Variants in ARHGEF28 observed in about 807,000 individuals in gnomAD.
The protein encoded by ARHGEF28 is Rho guanine nucleotide exchange factor 28.
In ARHGEF28, 152 loss-of-function variants were observed where a neutral mutation model predicts 206.6. That is an observed-to-expected ratio of 0.74 (90% CI 0.64 to 0.84). ARHGEF28 has a LOEUF of 0.84. ARHGEF28 is among the 40% of genes least tolerant of loss of function. ARHGEF28 has a pLI of 0.00. For missense variants in ARHGEF28, 2,028 were observed against 2,073.2 expected, an observed-to-expected ratio of 0.98 and a Z score of 0.42; for synonymous variants, 763 against 776.4, an observed-to-expected ratio of 0.98 and a Z score of 0.29.
chr5:73,751,589 A>G (rs761557646), intron 3 of ARHGEF28, among the ~76,000 whole-genome samples: 1 of 152,130 alleles, frequency 6.6e-6, no homozygotes, highest in Non-Finnish European at 1.5e-5. Flanking sequence ...AATAATAACT[A>G]AAGTGCCACT....
chr5:73,922,019 T>C (rs1763547442), intron 35 of ARHGEF28, among the ~76,000 whole-genome samples: 1 of 152,182 alleles, frequency 6.6e-6, no homozygotes, highest in Non-Finnish European at 1.5e-5. Context: ...AATTGCATGC[T>C]CAAAGACTTC....
At chr5:73,744,879 T>C (rs1751638428) in intron 2 of ARHGEF28, among the ~76,000 whole-genome samples, 1 of 152,036 alleles carries the variant, frequency 6.6e-6, no homozygotes, top group African/African-American at 2.4e-5. Flanking sequence ...TTTTTTTGAA[T>C]CTTTAGATGC....
At chr5:73,918,255 CT>C (rs554472120) in intron 35 of ARHGEF28, among the ~76,000 whole-genome samples, 138 of 152,316 alleles carry the variant, frequency 9.1e-4, no homozygotes, top group African/African-American at 3.2e-3. Flanking sequence ...CTAGTCAACT[CT>C]GTCATTGTAG....
intron 1 of ARHGEF28, among the ~76,000 whole-genome samples, chr5:73,647,591 C>T (rs1580437049): frequency 6.6e-6 from 1 of 152,310 alleles, no homozygotes; most frequent in East Asian, 1.9e-4. Context: ...TATTTTTAAC[C>T]TACTATATCT....
intron 27 of ARHGEF28, among the ~76,000 whole-genome samples, chr5:73,892,625 G>A (rs375106386): frequency 4.6e-5 from 7 of 152,020 alleles, no homozygotes; most frequent in Admixed American, 1.3e-4. Context: ...TATTTAATTA[G>A]ATTGGAAGCT....
At chr5:73,759,076 C>G (rs2112417646) in intron 4 of ARHGEF28, among the ~76,000 whole-genome samples, 1 of 152,314 alleles carries the variant, frequency 6.6e-6, no homozygotes, top group Admixed American at 6.5e-5. Flanking sequence ...GCTTCTCATT[C>G]TGTGGGTCCA....
At chr5:73,924,486 T>G (rs1369199856) in intron 35 of ARHGEF28, among the ~76,000 whole-genome samples, 2 of 152,204 alleles carry the variant, frequency 1.3e-5, no homozygotes, top group Admixed American at 1.3e-4. Context: ...TTGTGAGCAC[T>G]TAATAAACAC....
chr5:73,846,586 A>T (rs1579980173), intron 12 of ARHGEF28, 111 bp downstream of exon 12: 5 of 938,398 alleles, frequency 5.3e-6, no homozygotes, highest in Non-Finnish European at 7.7e-6. Context: ...CATATGAACT[A>T]TTTTTTTGAG....
chr5:73,873,255 A>T lies in ARHGEF28; in HGVS notation c.2814+9A>T, dbSNP rs1760226302. ...ATATTTTGGTACAACAGGTAAGAAGAGCTTAAAGTCCTTGACCTTTATGAC... is the reference window on the plus strand; with the variant it reads ...ATATTTTGGTACAACAGGTAAGAAGTGCTTAAAGTCCTTGACCTTTATGAC... On this transcript the variant is annotated intron_variant, in intron 22 of 35. Transcript: ENST00000513042. The T allele has an allele frequency of 6.2e-7, 1 of 1,604,488 alleles. No individual in the cohort carries two copies. The highest frequency in any genetic ancestry group is 8.5e-7 in the Non-Finnish European group (1 of 1,173,608).
intron 2 of ARHGEF28, among the ~76,000 whole-genome samples, chr5:73,718,600 A>G (rs975581350): frequency 2.0e-5 from 3 of 152,060 alleles, no homozygotes; most frequent in African/African-American, 7.2e-5. Flanking sequence ...TCTTTCAGCC[A>G]TGTCTGGGCC....
At chr5:73,799,410 C>T (rs1397156779) in intron 9 of ARHGEF28, among the ~76,000 whole-genome samples, 3 of 152,174 alleles carry the variant, frequency 2.0e-5, no homozygotes, top group Non-Finnish European at 4.4e-5. Flanking sequence ...AGCTATGTGG[C>T]TTTGGTTAGA....
chr5:73,863,575 G>A (rs2973562), intron 16 of ARHGEF28, among the ~76,000 whole-genome samples: 48,364 of 151,406 alleles, frequency 0.32, 8,406 homozygotes, highest in Admixed American at 0.42. Context: ...TGCAGGCCAA[G>A]TCTCACATCC....
chr5:73,787,330 C>T (rs1178031532), intron 7 of ARHGEF28, among the ~76,000 whole-genome samples: 1 of 152,104 alleles, frequency 6.6e-6, no homozygotes, highest in Non-Finnish European at 1.5e-5. Context: ...GTATTTTTGG[C>T]ATTTTCAACA....
intron 33 of ARHGEF28, 21 bp from the exon 34 acceptor site, chr5:73,909,391 T>C (rs1762733172): frequency 6.4e-7 from 1 of 1,571,638 alleles, no homozygotes; most frequent in Non-Finnish European, 8.7e-7. Flanking sequence ...TCAGTGATTT[T>C]TCCTCTGTCT....
intron 1 of ARHGEF28, among the ~76,000 whole-genome samples, chr5:73,634,179 G>A (rs1347603224): frequency 6.6e-6 from 1 of 152,136 alleles, no homozygotes; most frequent in Admixed American, 6.5e-5. Context: ...CAATAAAAGT[G>A]TTATTTAGGC....
chr5:73,690,338 A>G (rs1457466701), intron 2 of ARHGEF28, among the ~76,000 whole-genome samples: 2 of 152,006 alleles, frequency 1.3e-5, no homozygotes, highest in Non-Finnish European at 2.9e-5. Flanking sequence ...ATCAAGGAGA[A>G]TTATAAAACA....
intron 9 of ARHGEF28, among the ~76,000 whole-genome samples, chr5:73,822,091 G>A (rs569859761): frequency 1.3e-5 from 2 of 152,066 alleles, no homozygotes; most frequent in Non-Finnish European, 2.9e-5. Flanking sequence ...CAGTAGAATA[G>A]GACTCTTTTT....
Position 73,873,251 on chromosome 5 carries a change from G to A in ARHGEF28, c.2814+5G>A. 1 of 1,606,832 alleles carries A rather than the reference G, an allele frequency of 6.2e-7. No homozygotes were observed. On this transcript the variant is annotated splice_donor_5th_base_variant and intron_variant, in intron 22 of 35. Coordinates refer to ENST00000513042, the MANE Select transcript of ARHGEF28 (RefSeq NM_001177693.2). ...GGAGATATTTTGGTACAACAGGTAAGAAGAGCTTAAAGTCCTTGACCTTTA... is the reference window on the plus strand; with the variant it reads ...GGAGATATTTTGGTACAACAGGTAAAAAGAGCTTAAAGTCCTTGACCTTTA...
intron 12 of ARHGEF28, among the ~76,000 whole-genome samples, chr5:73,848,485 T>G (rs1460931710): frequency 6.6e-6 from 1 of 152,174 alleles, no homozygotes; most frequent in Non-Finnish European, 1.5e-5. Context: ...ATGTTGCAGC[T>G]AACATTATAA....
Sources: allele counts gnomAD v4.1 joint callset (sites outside exome capture counted in the v4.1 genomes callset), GRCh38; gene constraint gnomAD v4.1.1; transcripts MANE v1.5; gene names NCBI Gene and HGNC (gene_info 2026-07-23, HGNC 2026-07-21).